ZFHX3: variants seen among roughly 807,000 people sequenced by gnomAD.
ZFHX3 encodes zinc finger homeobox 3, also known as zinc finger homeobox protein 3.
Under a neutral mutation model 279.1 loss-of-function variants are expected in ZFHX3, and 42 were observed. That is an observed-to-expected ratio of 0.15 (90% CI 0.12 to 0.19). ZFHX3 has a LOEUF of 0.19. ZFHX3 is among the 10% of genes least tolerant of loss of function. The probability of loss-of-function intolerance (pLI) is 1.00; values close to 1 mark genes in which losing one functional copy is unlikely to be tolerated. For missense variants in ZFHX3, 4,981 were observed against 4,754.0 expected (o/e 1.05, Z -1.40); for synonymous variants, 2,293 against 1,957.8 (o/e 1.17, Z -4.52).
chr16:73,346,332 C>T (rs1197826719), intron 3 of ZFHX3, among the ~76,000 whole-genome samples: 1 of 152,208 alleles, frequency 6.6e-6, no homozygotes, highest in East Asian at 1.9e-4. Context: ...CACCGTCTGT[C>T]CTCTCGCCAC....
At chr16:73,387,644 G>C (rs12102569) in intron 3 of ZFHX3, among the ~76,000 whole-genome samples, 103,385 of 151,810 alleles carry the variant, frequency 0.68, 35,953 homozygotes, top group Non-Finnish European at 0.75. Context: ...TTAAATCTGA[G>C]AAAATTTTTC....
chr16:73,033,513 G>A (rs906414969), intron 1 of ZFHX3, among the ~76,000 whole-genome samples: 1 of 151,734 alleles, frequency 6.6e-6, no homozygotes, highest in African/African-American at 2.4e-5. Flanking sequence ...CTTGACTGGG[G>A]GGAAAGGGGG....
At chr16:73,543,689 A>G (rs1008639645) in intron 2 of ZFHX3, among the ~76,000 whole-genome samples, 1 of 151,178 alleles carries the variant, frequency 6.6e-6, no homozygotes, top group African/African-American at 2.4e-5. Context: ...TTTCTTTTCC[A>G]TTTTTTTCCT....
At chr16:73,863,187 C>G (rs898077521) in intron 1 of ZFHX3, among the ~76,000 whole-genome samples, 1 of 152,280 alleles carries the variant, frequency 6.6e-6, no homozygotes, top group African/African-American at 2.4e-5. Context: ...GCCTGGGCGA[C>G]AGAGCGAGAC....
Position 72,848,596 on chromosome 16 carries a change from C to T in ZFHX3, c.3449-18737G>A, listed in dbSNP as rs555679633. Among the ~76,000 whole-genome samples, 25 of 152,114 alleles carry T rather than the reference C, an allele frequency of 1.6e-4. No individual in the cohort carries two copies. The East Asian group carries it at 4.1e-3, about 25-fold the overall frequency. On this transcript the variant is annotated intron_variant, in intron 4 of 9. Transcript: ENST00000268489. ...GGTTCCCTCCTAAGTCAGACCCCTT[C>T]GGCGGCCTCCCAGGCTGGGTCTGCG...
intron 5 of ZFHX3, among the ~76,000 whole-genome samples, chr16:73,225,605 A>T (rs1216427588): frequency 6.6e-6 from 1 of 152,164 alleles, no homozygotes; most frequent in Admixed American, 6.5e-5. Context: ...AAAAAATAAA[A>T]AAATAAAAAA....
intron 3 of ZFHX3, among the ~76,000 whole-genome samples, chr16:73,432,452 T>A (rs560038950): frequency 1.3e-5 from 2 of 152,262 alleles, no homozygotes; most frequent in African/African-American, 2.4e-5. Flanking sequence ...CCAACCCACT[T>A]CCTTCCCCTC....
chr16:73,678,507 T>G (rs1401803290), intron 2 of ZFHX3, among the ~76,000 whole-genome samples: 1 of 152,194 alleles, frequency 6.6e-6, no homozygotes, highest in African/African-American at 2.4e-5. Context: ...AATGTTGATA[T>G]TGTTTTCATA....
intron 1 of ZFHX3, among the ~76,000 whole-genome samples, chr16:73,058,244 G>A (rs1486349731): frequency 2.1e-5 from 3 of 145,612 alleles, no homozygotes; most frequent in African/African-American, 7.4e-5. Flanking sequence ...CGGGCTCGGC[G>A]GCGGCGGCGG....
chr16:73,394,783 C>A (rs988494537), intron 3 of ZFHX3, among the ~76,000 whole-genome samples: 1 of 152,164 alleles, frequency 6.6e-6, no homozygotes. Flanking sequence ...CCTTAGATAA[C>A]ATTTTCAGTG....
chr16:73,827,894 GA>G (rs1272899692), intron 1 of ZFHX3, among the ~76,000 whole-genome samples: 44 of 80,350 alleles, frequency 5.5e-4, no homozygotes, highest in Admixed American at 1.5e-3. Context: ...ATTTGGGGTG[GA>G]GAGTTCTGTA....
intron 3 of ZFHX3, among the ~76,000 whole-genome samples, chr16:73,407,002 A>T (rs2017372681): frequency 6.6e-6 from 1 of 152,166 alleles, no homozygotes; most frequent in Non-Finnish European, 1.5e-5. Context: ...CCCTCCTCCA[A>T]GGGTGGCTGA....
At chr16:73,286,181 A>G (rs2014592249) in intron 4 of ZFHX3, among the ~76,000 whole-genome samples, 1 of 151,788 alleles carries the variant, frequency 6.6e-6, no homozygotes, top group African/African-American at 2.4e-5. Flanking sequence ...TCTCTCACAC[A>G]CACATGCCCC....
At chr16:73,171,974 T>C (rs1967536485) in intron 5 of ZFHX3, among the ~76,000 whole-genome samples, 1 of 152,194 alleles carries the variant, frequency 6.6e-6, no homozygotes, top group African/African-American at 2.4e-5. Context: ...ACAATGATTA[T>C]GTATCAATAA....
chr16:73,858,166 G>A (rs1314978637), intron 1 of ZFHX3, among the ~76,000 whole-genome samples: 1 of 151,990 alleles, frequency 6.6e-6, no homozygotes, highest in African/African-American at 2.4e-5. Flanking sequence ...CTCCTGCACT[G>A]CAATGCCTCT....
intron 1 of ZFHX3, among the ~76,000 whole-genome samples, chr16:73,787,871 GAGA>G (rs1959700775): frequency 3.3e-5 from 5 of 152,058 alleles, no homozygotes; most frequent in African/African-American, 1.2e-4. Flanking sequence ...GAGAGAGAGA[GAGA>G]GAGAATGTAG....
chr16:73,433,454 G>C (rs1013902382), intron 3 of ZFHX3, among the ~76,000 whole-genome samples: 1 of 152,104 alleles, frequency 6.6e-6, no homozygotes, highest in African/African-American at 2.4e-5. Context: ...TCAGCAAGGC[G>C]CCCAATGAGG....
chr16:73,791,857 G>C (rs912635390), intron 1 of ZFHX3, among the ~76,000 whole-genome samples: 1 of 152,172 alleles, frequency 6.6e-6, no homozygotes, highest in African/African-American at 2.4e-5. Flanking sequence ...ATGCTAAATG[G>C]CATAGTATTC....
upstream of ZFHX3, among the ~76,000 whole-genome samples, chr16:73,048,668 C>A (rs902303104): frequency 1.3e-5 from 2 of 152,252 alleles, no homozygotes; most frequent in African/African-American, 4.8e-5. Context: ...CCGTCCACGT[C>A]ACAGCCAGGC....
Sources: gnomAD v4.1 joint callset for allele counts (sites outside exome capture counted in the v4.1 genomes callset) on GRCh38, gnomAD v4.1.1 for gene constraint, MANE v1.5 for transcripts, NCBI Gene and HGNC (gene_info 2026-07-23, HGNC 2026-07-21) for gene names.